The following ERBB4 variants were observed in gnomAD, a reference collection of about 807,000 sequenced individuals.
ERBB4 encodes the protein receptor tyrosine-protein kinase erbB-4.
A neutral mutation model predicts 158.0 loss-of-function variants in ERBB4; 42 were observed. That is an observed-to-expected ratio of 0.27 (90% confidence interval 0.21 to 0.34). ERBB4 has a LOEUF of 0.34. Ranked by LOEUF, ERBB4 falls within the 10% of genes least tolerant of loss-of-function variation. ERBB4 has a pLI of 1.00. For missense variants in ERBB4, 1,333 were observed against 1,624.1 expected, an observed-to-expected ratio of 0.82 and a Z score of 3.08; for synonymous variants, 583 against 558.7, an observed-to-expected ratio of 1.04 and a Z score of -0.61.
At chr2:211,499,438 G>A (rs2065559447) in intron 20 of ERBB4, among the ~76,000 whole-genome samples, 1 of 151,984 alleles carries the variant, frequency 6.6e-6, no homozygotes, top group Admixed American at 6.6e-5. Context: ...CAGGGGAATT[G>A]TTTGAACCCA....
chr2:211,513,381 A>C (rs927619341), intron 20 of ERBB4, among the ~76,000 whole-genome samples: 1 of 150,552 alleles, frequency 6.6e-6, no homozygotes, highest in East Asian at 1.9e-4. Flanking sequence ...AAAAAACAAA[A>C]AAAAAACACT....
rs555440193 is a variant in ERBB4 at position 211,482,786 on chromosome 2, T to A, written c.2488-51686A>T. On this transcript the variant is annotated intron_variant, in intron 20 of 27. Transcript: ENST00000342788. The stretch of plus-strand genomic sequence containing the variant: ...CGGGCGTGGTGGCACATGTCTGTAA[T>A]CCCAGCTACGCGGGAGGCTGAGGCA... Among the ~76,000 whole-genome samples the A allele has an allele frequency of 3.9e-4, 59 of 152,242 alleles. No individual in the cohort carries two copies. The South Asian group carries it at 0.012, about 32-fold the overall frequency.
At chr2:211,644,394 C>T (rs927219260) in intron 16 of ERBB4, among the ~76,000 whole-genome samples, 30 of 151,716 alleles carry the variant, frequency 2.0e-4, no homozygotes, top group African/African-American at 5.1e-4. Context: ...ATTGCCTAGG[C>T]GATGTTATGA....
chr2:211,670,027 A>T (rs141653210), intron 14 of ERBB4, among the ~76,000 whole-genome samples: 1 of 152,216 alleles, frequency 6.6e-6, no homozygotes, highest in Non-Finnish European at 1.5e-5. Flanking sequence ...ATGTGATTTC[A>T]ACAGAATATA....
At chr2:212,518,634 T>A (rs1051322727) in intron 1 of ERBB4, among the ~76,000 whole-genome samples, 1 of 152,062 alleles carries the variant, frequency 6.6e-6, no homozygotes, top group African/African-American at 2.4e-5. Context: ...TGATCTTTTT[T>A]TGCGAAGATC....
At chr2:212,126,417 G>A (rs1428900701) in intron 1 of ERBB4, among the ~76,000 whole-genome samples, 2 of 133,580 alleles carry the variant, frequency 1.5e-5, no homozygotes, top group South Asian at 2.3e-4. Flanking sequence ...CCAAGATCAT[G>A]CCACTGCACT....
chr2:211,387,532 T>C (rs1256249125), intron 26 of ERBB4, among the ~76,000 whole-genome samples: 1 of 152,200 alleles, frequency 6.6e-6, no homozygotes, highest in Non-Finnish European at 1.5e-5. Flanking sequence ...TAGAAGTACA[T>C]GGATATATTT....
intron 1 of ERBB4, among the ~76,000 whole-genome samples, chr2:212,300,331 T>G (rs545116447): frequency 6.6e-6 from 1 of 151,716 alleles, no homozygotes; most frequent in South Asian, 2.1e-4. Context: ...TTTAACATTT[T>G]AAAACACTGT....
chr2:212,477,048 T>C (rs761844447), intron 1 of ERBB4, among the ~76,000 whole-genome samples: 1 of 152,120 alleles, frequency 6.6e-6, no homozygotes, highest in African/African-American at 2.4e-5. Context: ...CACATCATAG[T>C]GTAATTAAAA....
chr2:212,263,626 G>C (rs1245427798), intron 1 of ERBB4, among the ~76,000 whole-genome samples: 1 of 151,752 alleles, frequency 6.6e-6, no homozygotes, highest in Non-Finnish European at 1.5e-5. Flanking sequence ...AAAGTAAATT[G>C]CTTTTTAATA....
At chr2:212,135,894 T>C (rs150511091) in intron 1 of ERBB4, among the ~76,000 whole-genome samples, 1 of 152,318 alleles carries the variant, frequency 6.6e-6, no homozygotes, top group Non-Finnish European at 1.5e-5. Flanking sequence ...ATCATCTGGC[T>C]CTCCTTGAGG....
intron 20 of ERBB4, among the ~76,000 whole-genome samples, chr2:211,437,990 G>A (rs1318719247): frequency 1.3e-5 from 2 of 152,158 alleles, no homozygotes; most frequent in African/African-American, 2.4e-5. Flanking sequence ...TATCCAAATA[G>A]TGCATAAAGG....
At chr2:211,970,920 T>A (rs2081435619) in intron 2 of ERBB4, among the ~76,000 whole-genome samples, 1 of 152,178 alleles carries the variant, frequency 6.6e-6, no homozygotes, top group Non-Finnish European at 1.5e-5. Flanking sequence ...CTTGTCATCA[T>A]GTTTAGCTGG....
At chr2:212,180,515 A>C (rs12052282) in intron 1 of ERBB4, among the ~76,000 whole-genome samples, 66,226 of 151,432 alleles carry the variant, frequency 0.44, 16,803 homozygotes, top group East Asian at 0.77. Flanking sequence ...CTATTCCAAC[A>C]TGACAGGTTT....
At chr2:211,900,336 G>T (rs913931354) in intron 3 of ERBB4, among the ~76,000 whole-genome samples, 40 of 151,246 alleles carry the variant, frequency 2.6e-4, no homozygotes, top group Non-Finnish European at 4.4e-5. Flanking sequence ...TAACCTTTCT[G>T]CTGCCCAGTC....
At chr2:211,423,978 A>G (rs959739097) in intron 23 of ERBB4, among the ~76,000 whole-genome samples, 177 bp downstream of exon 23, 1 of 152,014 alleles carries the variant, frequency 6.6e-6, no homozygotes, top group African/African-American at 2.4e-5. Flanking sequence ...CATAGCATGG[A>G]AGAGTATTAC....
At chr2:211,799,769 T>G (rs995177886) in intron 3 of ERBB4, among the ~76,000 whole-genome samples, 3 of 152,152 alleles carry the variant, frequency 2.0e-5, no homozygotes, top group African/African-American at 7.2e-5. Flanking sequence ...CATGTTCAGT[T>G]GATGTACTAT....
At chr2:212,002,309 A>G (rs2076124484) in intron 2 of ERBB4, among the ~76,000 whole-genome samples, 2 of 152,192 alleles carry the variant, frequency 1.3e-5, no homozygotes, top group Admixed American at 6.6e-5. Flanking sequence ...CAGAGGTGGC[A>G]GTTGTTCAGG....
chr2:211,841,656 T>G (rs2077473313), intron 3 of ERBB4, among the ~76,000 whole-genome samples: 1 of 152,008 alleles, frequency 6.6e-6, no homozygotes, highest in Admixed American at 6.6e-5. Flanking sequence ...CATGTTTTTA[T>G]TCCACCAATT....
Sources: allele counts gnomAD v4.1 joint callset (sites outside exome capture counted in the v4.1 genomes callset), GRCh38; gene constraint gnomAD v4.1.1; transcripts MANE v1.5; gene names NCBI Gene and HGNC (gene_info 2026-07-23, HGNC 2026-07-21).